DSCAML1: variants seen among roughly 807,000 people sequenced by gnomAD.
The protein encoded by DSCAML1 is cell adhesion molecule DSCAML1.
A neutral mutation model predicts 200.5 loss-of-function variants in DSCAML1; 38 were observed. The observed-to-expected ratio is 0.19, with a 90% CI of 0.15 to 0.25. The LOEUF (loss-of-function observed/expected upper bound fraction) is 0.25, where lower values mean the gene tolerates loss of function less well. DSCAML1 is among the 10% of genes least tolerant of loss of function. The probability of loss-of-function intolerance (pLI) is 1.00; values close to 1 mark genes in which losing one functional copy is unlikely to be tolerated. For missense variants in DSCAML1, 2,223 were observed against 2,858.8 expected, an observed-to-expected ratio of 0.78 and a Z score of 5.07; for synonymous variants, 1,215 against 1,165.0, an observed-to-expected ratio of 1.04 and a Z score of -0.87.
chr11:117,728,889 A>G (rs1457970526), intron 3 of DSCAML1, among the ~76,000 whole-genome samples: 1 of 152,258 alleles, frequency 6.6e-6, no homozygotes, highest in Non-Finnish European at 1.5e-5. Context: ...AGTCCCTAGC[A>G]GAATTCCAGC....
At chr11:117,791,644 G>A (rs1237391544) in intron 1 of DSCAML1, among the ~76,000 whole-genome samples, 1 of 152,238 alleles carries the variant, frequency 6.6e-6, no homozygotes, top group African/African-American at 2.4e-5. Flanking sequence ...GCCATGTGGA[G>A]TCCTACATGC....
intron 15 of DSCAML1, 101 bp downstream of exon 15, chr11:117,471,768 C>G: frequency 7.0e-7 from 1 of 1,425,298 alleles, no homozygotes; most frequent in African/African-American, 1.4e-5. Flanking sequence ...ACGCCACCCC[C>G]TTTAACTGCA....
rs183041956 is a variant in DSCAML1 at position 117,637,538 on chromosome 11, G to T, written c.512-105016C>A. The stretch of plus-strand genomic sequence containing the variant: ...TTGTTTTGTATTTTAGTAGAGACGG[G>T]GTTTCACCATGTTGGTCAGTCTGGT... On this transcript the variant is annotated intron_variant, in intron 3 of 32. Transcript: ENST00000651296. Among the ~76,000 whole-genome samples the T allele has an allele frequency of 3.6e-3, 546 of 152,092 alleles. 5 individuals carry two copies. The highest frequency in any genetic ancestry group is 0.019 in the Admixed American group (286 of 15,266).
chr11:117,515,729 T>C (rs2049751598), intron 8 of DSCAML1, among the ~76,000 whole-genome samples: 1 of 149,496 alleles, frequency 6.7e-6, no homozygotes, highest in Non-Finnish European at 1.5e-5. Context: ...CAAGCAATTA[T>C]CCTGCCTCAG....
At chr11:117,593,429 C>G (rs1212623993) in intron 3 of DSCAML1, among the ~76,000 whole-genome samples, 2 of 152,226 alleles carry the variant, frequency 1.3e-5, no homozygotes, top group Non-Finnish European at 2.9e-5. Context: ...CTCATTAAAG[C>G]CTGACAAATG....
Position 117,651,434 on chromosome 11 carries a change from G to A in DSCAML1, c.512-118912C>T, listed in dbSNP as rs151071304. On this transcript the variant is annotated intron_variant, in intron 3 of 32. Coordinates refer to ENST00000651296, the MANE Select transcript of DSCAML1 (RefSeq NM_020693.4). ...ATGATTGCACCCCTAGGCCGGGTGC[G>A]GTGGCTCACGCCTGTAATCCCAGCA... Among the ~76,000 whole-genome samples, 817 of 152,274 alleles carry A rather than the reference G, an allele frequency of 5.4e-3. 9 individuals are homozygous for A. Among genetic ancestry groups the A allele is most frequent in the East Asian group, 0.037 (190 of 5,164 alleles).
chr11:117,632,051 T>G (rs2052185224), intron 3 of DSCAML1, among the ~76,000 whole-genome samples: 2 of 152,178 alleles, frequency 1.3e-5, no homozygotes, highest in African/African-American at 2.4e-5. Context: ...AGTGGCCATA[T>G]AGCCTAATGG....
intron 3 of DSCAML1, among the ~76,000 whole-genome samples, chr11:117,672,680 A>G (rs570849810): frequency 1.3e-5 from 2 of 152,188 alleles, no homozygotes; most frequent in Admixed American, 6.5e-5. Flanking sequence ...CCATTTTTTT[A>G]TTCAATACAC....
At position 117,545,010 on chromosome 11, in the gene DSCAML1, T is replaced by C. The variant is rs538908679; in HGVS notation, c.512-12488A>G. On this transcript the variant is annotated intron_variant, in intron 3 of 32. Coordinates refer to ENST00000651296, the MANE Select transcript of DSCAML1 (RefSeq NM_020693.4). ...ACTTTGGGAGGCTGAGATGGGTGGA[T>C]CACGATGTCGGGAGTTTGAGACCAG... Among the ~76,000 whole-genome samples, 11 of 152,072 alleles carry C rather than the reference T, an allele frequency of 7.2e-5. No individual in the cohort carries two copies. The East Asian group carries it at 2.1e-3, about 29-fold the overall frequency.
intron 3 of DSCAML1, among the ~76,000 whole-genome samples, chr11:117,672,102 G>GGAAAAAAAAAGA (rs1555196987): frequency 5.0e-4 from 47 of 94,484 alleles, no homozygotes; most frequent in South Asian, 1.8e-3. Flanking sequence ...CTCCAGCTCA[G>GGAAAAAAAAAGA]AAAAAAAAAA....
At chr11:117,726,274 T>C (rs927500336) in intron 3 of DSCAML1, among the ~76,000 whole-genome samples, 1 of 151,734 alleles carries the variant, frequency 6.6e-6, no homozygotes, top group South Asian at 2.1e-4. Context: ...TGCGTGTGTG[T>C]GTGTGTGTGT....
chr11:117,665,513 A>C (rs550160057), intron 3 of DSCAML1, among the ~76,000 whole-genome samples: 180 of 152,304 alleles, frequency 1.2e-3, no homozygotes, highest in African/African-American at 4.2e-3. Flanking sequence ...TGATTTTGGC[A>C]GTCTACTTAT....
intron 3 of DSCAML1, among the ~76,000 whole-genome samples, chr11:117,664,864 ACAAG>A (rs1431115477): frequency 2.0e-5 from 3 of 152,180 alleles, no homozygotes; most frequent in Admixed American, 6.5e-5. Context: ...CCTTAGCTGA[ACAAG>A]CAGCTACCTT....
chr11:117,623,532 C>T (rs1237477155), intron 3 of DSCAML1, among the ~76,000 whole-genome samples: 2 of 152,150 alleles, frequency 1.3e-5, no homozygotes, highest in South Asian at 2.1e-4. Context: ...GCTAAACTTG[C>T]AGTGGAAGGC....
chr11:117,505,147 A>G lies in DSCAML1; in HGVS notation c.2063-104T>C. 2 of 1,496,428 alleles carry G rather than the reference A, an allele frequency of 1.3e-6. No homozygotes were observed. The highest frequency in any genetic ancestry group is 1.8e-6 in the Non-Finnish European group (2 of 1,113,250). 92.7% of individuals were successfully genotyped at this position (1,496,428 alleles called of 1,614,324 possible). A position where few individuals can be genotyped will look rare whatever the true frequency, so the allele number is the denominator to read the frequency against. On this transcript the variant is annotated intron_variant, in intron 9 of 32. Transcript: ENST00000651296. This position sits in a 1 kb window ranked among gnomAD's most constrained non-coding sequence, Gnocchi z 6.7. The stretch of plus-strand genomic sequence containing the variant: ...TGAGGTCAGCCCTGCCCGGGCCATT[A>G]TAAAGTTGGAAGCGGGCAGTTTCTG...
intron 27 of DSCAML1, 31 bp from the exon 28 acceptor site, chr11:117,433,502 G>A: frequency 6.2e-7 from 1 of 1,609,208 alleles, no homozygotes. Flanking sequence ...AGGAGGGCTG[G>A]GTGAGAATGA....
intron 3 of DSCAML1, among the ~76,000 whole-genome samples, chr11:117,583,007 T>TTATTATTAG (rs2051071685): frequency 1.3e-5 from 2 of 150,054 alleles, no homozygotes; most frequent in African/African-American, 4.9e-5. Context: ...ATTATTATTA[T>TTATTATTAG]TATTATTATT....
intron 3 of DSCAML1, among the ~76,000 whole-genome samples, chr11:117,758,127 C>T (rs1214654737): frequency 6.6e-6 from 1 of 151,562 alleles, no homozygotes; most frequent in Non-Finnish European, 1.5e-5. Flanking sequence ...ATGGTGAAAC[C>T]CCGTCTCTAC....
At chr11:117,637,986 C>T (rs1031121033) in intron 3 of DSCAML1, among the ~76,000 whole-genome samples, 5 of 152,158 alleles carry the variant, frequency 3.3e-5, no homozygotes, top group African/African-American at 9.7e-5. Flanking sequence ...GGTGAGGGGA[C>T]CCCACTCCTC....
Sources: allele counts gnomAD v4.1 joint callset (sites outside exome capture counted in the v4.1 genomes callset), GRCh38; gene constraint gnomAD v4.1.1; non-coding constraint Gnocchi (gnomAD v3.1); transcripts MANE v1.5; gene names NCBI Gene and HGNC (gene_info 2026-07-23, HGNC 2026-07-21).